ALG12: variants seen among roughly 807,000 people sequenced by gnomAD.
The protein encoded by ALG12 is ALG12 alpha-1,6-mannosyltransferase, also known as dol-P-Man:Man(7)GlcNAc(2)-PP-Dol alpha-1,6-mannosyltransferase.
In ALG12, 36 loss-of-function variants were observed where a neutral mutation model predicts 46.0. The observed-to-expected ratio is 0.78, with a 90% CI of 0.60 to 1.03. The LOEUF (loss-of-function observed/expected upper bound fraction) is 1.03. ALG12 is among the 50% of genes least tolerant of loss of function. The probability of loss-of-function intolerance (pLI) is 0.00; values close to 1 mark genes in which losing one functional copy is unlikely to be tolerated. For missense variants in ALG12, 599 were observed against 633.5 expected, an observed-to-expected ratio of 0.95 and a Z score of 0.58; for synonymous variants, 326 against 291.6, an observed-to-expected ratio of 1.12 and a Z score of -1.20.
intron 6 of ALG12, among the ~76,000 whole-genome samples, chr22:49,908,951 C>CAAA (rs35816147): frequency 1.6e-4 from 13 of 80,478 alleles, no homozygotes; most frequent in South Asian, 3.9e-4. Flanking sequence ...GACTCAGTCT[C>CAAA]AAAAAAAAAA....
chr22:49,908,092 G>A (rs978230220), intron 6 of ALG12, 148 bp from the exon 7 acceptor site: 12 of 786,070 alleles, frequency 1.5e-5, no homozygotes, highest in Non-Finnish European at 2.4e-5. Context: ...CACCACTCAG[G>A]CCTCAGGCCC....
At position 49,913,718 on chromosome 22, in the gene ALG12, C is replaced by T. The variant is rs143508665; in HGVS notation, c.48G>A (p.Leu16=). ...GGTGGACAGTGGCTACGGCCACCAG[C>T]AGCCCCAGCAGCAGGGGCCGCCTGC... is the stretch of plus-strand genomic sequence containing the variant. ...SSGRRPLLLG[L]LVAVATVHLV... Residue 16 remains leucine, a synonymous_variant, in exon 2 of 10, where the codon CTG becomes CTA. Transcript: ENST00000330817. 3.7e-6 allele frequency: 6 copies of T among 1,613,564 alleles called. No individual in the cohort carries two copies. The highest frequency in any genetic ancestry group is 1.7e-5 in the Admixed American group (1 of 60,032).
At chr22:49,864,070 T>C in the ALG12 span, among the ~76,000 whole-genome samples, 1 of 152,192 alleles carries the variant, frequency 6.6e-6, no homozygotes, top group Non-Finnish European at 1.5e-5. Flanking sequence ...TTTTAAGGGC[T>C]TGGAAGTTTC....
chr22:49,904,976 G>A (rs2060534941), intron 7 of ALG12, among the ~76,000 whole-genome samples: 1 of 152,136 alleles, frequency 6.6e-6, no homozygotes, highest in Admixed American at 6.6e-5. Context: ...CTGACCTCGT[G>A]ATCTGCCCGC....
chr22:49,883,692 A>C, the ALG12 span: 6 of 1,595,904 alleles, frequency 3.8e-6, no homozygotes, highest in Non-Finnish European at 5.1e-6. Context: ...CTTGTCCCAA[A>C]GAGGACGGTG....
chr22:49,874,137 C>T, the ALG12 span, among the ~76,000 whole-genome samples: 1 of 152,328 alleles, frequency 6.6e-6, no homozygotes, highest in South Asian at 2.1e-4. Context: ...ACAGCCGCCT[C>T]CTGCCTGGGC....
At chr22:49,891,837 C>T in the ALG12 span, among the ~76,000 whole-genome samples, 1 of 152,126 alleles carries the variant, frequency 6.6e-6, no homozygotes, top group Non-Finnish European at 1.5e-5. Flanking sequence ...TTTTTGAAGA[C>T]CACTCCTGCA....
At chr22:49,887,953 C>T in the ALG12 span, 1 of 167,216 alleles carries the variant, frequency 6.0e-6, no homozygotes, top group South Asian at 2.1e-4. Context: ...GCAGGTGGTC[C>T]CTGCTGAAAC....
At chr22:49,866,698 A>T in the ALG12 span, among the ~76,000 whole-genome samples, 1 of 152,048 alleles carries the variant, frequency 6.6e-6, no homozygotes. Context: ...TCTGCTCTTT[A>T]GTTTTTCTCA....
At chr22:49,885,375 C>T in the ALG12 span, 41 of 1,594,660 alleles carry the variant, frequency 2.6e-5, no homozygotes, top group Admixed American at 8.7e-5. Context: ...CTATTTGCTC[C>T]GCAGACTCCA....
chr22:49,883,282 GGTTAAAATGTGTGATTT>G, the ALG12 span: 1 of 160,640 alleles, frequency 6.2e-6, no homozygotes, highest in Non-Finnish European at 1.4e-5. Context: ...TGACGGTAGA[GGTTAAAATGTGTGATTT>G]AGTTCCATGC....
At chr22:49,904,286 G>A in intron 8 of ALG12, 32 bp from the exon 9 acceptor site, 1 of 1,614,142 alleles carries the variant, frequency 6.2e-7, no homozygotes, top group Non-Finnish European at 8.5e-7. Flanking sequence ...TCAGAGCCCA[G>A]CCCTGCAGTC....
In ALG12 at chr22:49,903,711, GA is replaced by G. The variant is rs1397563267; in HGVS notation, c.*126del. ...CCTGGACCTGGTCTGGTGTCTGTCAGAGGCAGGTGCCCAGTCCTTTGACTTG... is the reference window on the plus strand; with the variant it reads ...CCTGGACCTGGTCTGGTGTCTGTCAGGGCAGGTGCCCAGTCCTTTGACTTG... On this transcript the variant is annotated 3_prime_UTR_variant, in exon 10 of 10. Coordinates refer to ENST00000330817, the MANE Select transcript of ALG12 (RefSeq NM_024105.4). The G allele has an allele frequency of 9.1e-7, 1 of 1,093,060 alleles. No homozygotes were observed. The highest frequency in any genetic ancestry group is 1.4e-6 in the Non-Finnish European group (1 of 735,296). 67.7% of individuals were successfully genotyped at this position (1,093,060 alleles called of 1,614,324 possible).
At chr22:49,873,015 G>C in the ALG12 span, among the ~76,000 whole-genome samples, 1 of 152,154 alleles carries the variant, frequency 6.6e-6, no homozygotes, top group African/African-American at 2.4e-5. Flanking sequence ...ATTTTTTGTA[G>C]AGCTGGGGTT....
chr22:49,897,620 C>G (rs1157023177), downstream of ALG12, among the ~76,000 whole-genome samples: 1 of 147,558 alleles, frequency 6.8e-6, no homozygotes, highest in African/African-American at 2.5e-5. Context: ...ATCTGCGTAT[C>G]TTCTTTGGTG....
chr22:49,860,420 A>C, the ALG12 span, among the ~76,000 whole-genome samples: 1 of 152,200 alleles, frequency 6.6e-6, no homozygotes, highest in Non-Finnish European at 1.5e-5. Context: ...TTTGTGCTAA[A>C]ATGTGCATAC....
chr22:49,877,614 T>C, the ALG12 span, among the ~76,000 whole-genome samples: 6 of 152,128 alleles, frequency 3.9e-5, no homozygotes, highest in Non-Finnish European at 8.8e-5. Context: ...TTTATTTGGG[T>C]ATAATTGATA....
Position 49,903,834 on chromosome 22 carries a change from C to T in ALG12, c.*4G>A. ...TGTGGCTGCTGAGGGCTGCCTGGTC[C>T]CCCTCAGGACGGCCGGGGGAGCCTC... On this transcript the variant is annotated 3_prime_UTR_variant, in exon 10 of 10. Transcript: ENST00000330817. The T allele has an allele frequency of 6.2e-7, 1 of 1,614,092 alleles. No homozygotes were observed. Among genetic ancestry groups the T allele is most frequent in the African/African-American group, 1.3e-5 (1 of 75,050 alleles).
chr22:49,869,032 G>A, the ALG12 span, among the ~76,000 whole-genome samples: 1 of 151,176 alleles, frequency 6.6e-6, no homozygotes, highest in Admixed American at 6.6e-5. Flanking sequence ...ACTGAGGCAG[G>A]AGAATCACTT....
Sources: gnomAD v4.1 joint callset for allele counts (sites outside exome capture counted in the v4.1 genomes callset) on GRCh38, gnomAD v4.1.1 for gene constraint, MANE v1.5 for transcripts, NCBI Gene and HGNC (gene_info 2026-07-23, HGNC 2026-07-21) for gene names.